SPEG: variants seen among roughly 807,000 people sequenced by gnomAD.
SPEG encodes striated muscle enriched protein kinase, also known as striated muscle preferentially expressed protein kinase.
In SPEG, 114 loss-of-function variants were observed where a neutral mutation model predicts 300.4. That is an observed-to-expected ratio of 0.38 (90% CI 0.33 to 0.44). SPEG has a LOEUF of 0.44. Among genes scored for constraint, SPEG ranks in the 20% least tolerant of loss-of-function variants. SPEG has a pLI of 1.00. For missense variants in SPEG, 4,201 were observed against 4,586.2 expected (o/e 0.92, Z 2.43); for synonymous variants, 1,964 against 2,018.9 (o/e 0.97, Z 0.73).
rs1247111993 is a variant in SPEG at position 219,459,658 on chromosome 2, C to G, written c.2441-2224C>G. Among the ~76,000 whole-genome samples, 1 of 152,218 alleles carries G rather than the reference C, an allele frequency of 6.6e-6. No homozygotes were observed. Among genetic ancestry groups the G allele is most frequent in the African/African-American group, 2.4e-5 (1 of 41,450 alleles). On this transcript the variant is annotated intron_variant, in intron 6 of 40. Coordinates refer to ENST00000312358, the MANE Select transcript of SPEG (RefSeq NM_005876.5). This position sits in a 1 kb window ranked among gnomAD's most constrained non-coding sequence, Gnocchi z 4.9. ...TGCTTCCGTTCCCAGTCCCTGGGCC[C>G]GTGAGCCTCCTCAGTACTGTCCAGC...
rs1692651061 is a variant in SPEG at position 219,479,688 on chromosome 2, T to G, written c.5086-95T>G. The G allele has an allele frequency of 8.9e-7, 1 of 1,128,704 alleles. No individual in the cohort carries two copies. The highest frequency in any genetic ancestry group is 2.4e-5 in the East Asian group (1 of 42,468). The allele number at this position is 1,128,704 out of a possible 1,614,324, so 69.9% of individuals were successfully genotyped here. A position where few individuals can be genotyped will look rare whatever the true frequency, so the allele number is the denominator to read the frequency against. On this transcript the variant is annotated intron_variant, in intron 23 of 40. Coordinates refer to ENST00000312358, the MANE Select transcript of SPEG (RefSeq NM_005876.5). The surrounding 1 kb of genome is among the most constrained non-coding windows in gnomAD (Gnocchi z 5.5). ...CCCCTTCCACGAGCCATCTGAAGGC[T>G]ACTCCACAGGCACAGCCGGACCGCT...
rs1689565135 is a variant in SPEG at position 219,449,354 on chromosome 2, C to T, written c.2113+83C>T. On this transcript the variant is annotated intron_variant, in intron 4 of 40. Transcript: ENST00000312358. Reference sequence around the variant, plus strand: ...GAGAGCAAGACTGCTCAGCAGGAGCCGGGGGGTCGGGGGTTTCGCCTGGGG... The same window carrying T: ...GAGAGCAAGACTGCTCAGCAGGAGCTGGGGGGTCGGGGGTTTCGCCTGGGG... 7.1e-6 allele frequency: 8 copies of T among 1,131,554 alleles called. 1 individual carries two copies. The highest frequency in any genetic ancestry group is 1.6e-5 in the African/African-American group (1 of 61,712). The allele number at this position is 1,131,554 out of a possible 1,614,324, so 70.1% of individuals were successfully genotyped here. A position where few individuals can be genotyped will look rare whatever the true frequency, so the allele number is the denominator to read the frequency against.
chr2:219,476,190 G>A (rs1355324167), intron 18 of SPEG, among the ~76,000 whole-genome samples: 1 of 151,896 alleles, frequency 6.6e-6, no homozygotes, highest in African/African-American at 2.4e-5. Context: ...CCACATGTGG[G>A]AGATACTGAG....
chr2:219,444,789 A>G lies in SPEG; in HGVS notation c.479-36A>G. Reference sequence around the variant, plus strand: ...AGAGCAGGCAGGCGGGTTTTCCATAAGGGGTGCCTCAGTCTCACGGTGCTC... The same window carrying G: ...AGAGCAGGCAGGCGGGTTTTCCATAGGGGGTGCCTCAGTCTCACGGTGCTC... On this transcript the variant is annotated intron_variant, in intron 2 of 40. Coordinates refer to ENST00000312358, the MANE Select transcript of SPEG (RefSeq NM_005876.5). The surrounding 1 kb of genome is among the most constrained non-coding windows in gnomAD (Gnocchi z 7.8). 6.2e-7 allele frequency: 1 copy of G among 1,611,654 alleles called. No homozygotes were observed. The highest frequency in any genetic ancestry group is 8.5e-7 in the Non-Finnish European group (1 of 1,178,380).
intron 31 of SPEG, among the ~76,000 whole-genome samples, chr2:219,487,573 A>T (rs1162952776): frequency 6.6e-6 from 1 of 152,300 alleles, no homozygotes; most frequent in East Asian, 1.9e-4. Context: ...AAAAGCTCTC[A>T]CCACTTAATT....
At position 219,484,613 on chromosome 2, in the gene SPEG, C is replaced by T; in HGVS notation, c.7150C>T (p.Leu2384=). 6.4e-7 allele frequency: 1 copy of T among 1,555,080 alleles called. No homozygotes were observed. The highest frequency in any genetic ancestry group is 1.2e-5 in the South Asian group (1 of 85,986). ...RPSPAGTPLE[L]VRRPERSRSV... is the part of the protein sequence containing the mutation. ...CAGCCCGGCGGGGACCCCGCTGGAGCTGGTGCGACGGCCTGAGCGCTCACG... is the reference window on the plus strand; with the variant it reads ...CAGCCCGGCGGGGACCCCGCTGGAGTTGGTGCGACGGCCTGAGCGCTCACG... The change falls in exon 30 of 41, where the codon CTG becomes TTG. Residue 2384 remains leucine, a synonymous_variant. Coordinates refer to ENST00000312358, the MANE Select transcript of SPEG (RefSeq NM_005876.5).
In SPEG at chr2:219,443,612, C is replaced by T. The variant is rs1485301232; in HGVS notation, c.389-1041C>T. Reference sequence around the variant, plus strand: ...GAGGGACCTTGAGGAAGGTGCCTGTCACATCATGATGCAGACAGATAAGGG... The same window carrying T: ...GAGGGACCTTGAGGAAGGTGCCTGTTACATCATGATGCAGACAGATAAGGG... On this transcript the variant is annotated intron_variant, in intron 1 of 40. Coordinates refer to ENST00000312358, the MANE Select transcript of SPEG (RefSeq NM_005876.5). This position sits in a 1 kb window ranked among gnomAD's most constrained non-coding sequence, Gnocchi z 4.6. 2 of 288,674 alleles carry T rather than the reference C, an allele frequency of 6.9e-6. No individual in the cohort carries two copies. The highest frequency in any genetic ancestry group is 9.2e-5 in the Admixed American group (2 of 21,648). 17.9% of individuals were successfully genotyped at this position (288,674 alleles called of 1,614,324 possible).
chr2:219,491,805 G>A lies in SPEG; in HGVS notation c.9397G>A (p.Val3133Met), dbSNP rs1693998616. The change falls in exon 39 of 41, where the codon GTG becomes ATG. Residue 3133 changes from valine (V) to methionine (M), a missense_variant. This residue lies in a region of SPEG where 318 missense variants were observed against 429.5 expected (regional missense o/e 0.74). Coordinates refer to ENST00000312358, the MANE Select transcript of SPEG (RefSeq NM_005876.5). ...GTLEFMAPEM[V>M]KGEPIGSATD... is the part of the protein sequence containing the mutation. ...CTGTCTCCTGTCAGCTCCGGAGATG[G>A]TGAAGGGAGAACCCATCGGCTCTGC... 1 of 1,613,070 alleles carries A rather than the reference G, an allele frequency of 6.2e-7. No homozygotes were observed. Among genetic ancestry groups the A allele is most frequent in the Admixed American group, 1.7e-5 (1 of 59,954 alleles).
In SPEG at chr2:219,445,174, C is replaced by T; in HGVS notation, c.815+13C>T. ...TCTCTATCCACGTGTAAGTAACGGCCTTACCTGGGCCTGAACTGCCCCATC... is the reference window on the plus strand; with the variant it reads ...TCTCTATCCACGTGTAAGTAACGGCTTTACCTGGGCCTGAACTGCCCCATC... On this transcript the variant is annotated intron_variant, in intron 3 of 40. Transcript: ENST00000312358. The surrounding 1 kb of genome is among the most constrained non-coding windows in gnomAD (Gnocchi z 6.1). The T allele has an allele frequency of 1.3e-6, 2 of 1,557,046 alleles. No individual in the cohort carries two copies. The highest frequency in any genetic ancestry group is 1.7e-6 in the Non-Finnish European group (2 of 1,150,786).
Position 219,484,781 on chromosome 2 carries a change from G to A in SPEG, c.7318G>A (p.Glu2440Lys), listed in dbSNP as rs1054836352. The A allele has an allele frequency of 2.0e-6, 3 of 1,468,378 alleles. No homozygotes were observed. The highest frequency in any genetic ancestry group is 8.9e-7 in the Non-Finnish European group (1 of 1,121,012). 91.0% of individuals were successfully genotyped at this position (1,468,378 alleles called of 1,614,324 possible). A position where few individuals can be genotyped will look rare whatever the true frequency, so the allele number is the denominator to read the frequency against. ...CCGCGGCGGGGACGGAGAGAGCTCG[G>A]AGGGCGGGAGCTCGGCGCGGGGCTC... ...EARGGDGESS[E>K]GGSSARGSPV... Residue 2440 changes from glutamate (E) to lysine (K), a missense_variant, in exon 30 of 41, where the codon GAG becomes AAG. This residue lies in a region of SPEG where 1,578 missense variants were observed against 1,506.0 expected (regional missense o/e 1.05). Coordinates refer to ENST00000312358, the MANE Select transcript of SPEG (RefSeq NM_005876.5).
chr2:219,462,236 C>G, intron 7 of SPEG, 62 bp from the exon 8 acceptor site: 2 of 1,411,070 alleles, frequency 1.4e-6, no homozygotes, highest in South Asian at 1.3e-5. Flanking sequence ...TCAGATTCCA[C>G]AGCCCCCAGG....
chr2:219,467,014 T>C (rs369974677), intron 9 of SPEG, among the ~76,000 whole-genome samples, 160 bp from the exon 10 acceptor site: 3 of 152,300 alleles, frequency 2.0e-5, no homozygotes, highest in African/African-American at 7.2e-5. Flanking sequence ...TGGGCATGCC[T>C]TGCTGTCCTG....
chr2:219,468,543 C>A (rs1225189244), intron 10 of SPEG, 35 bp from the exon 11 acceptor site: 1 of 1,601,138 alleles, frequency 6.2e-7, no homozygotes. Flanking sequence ...GCCTCCTTAG[C>A]CTTCCCTATC....
At chr2:219,482,369 G>C (rs1435445548) in intron 28 of SPEG, 3 of 191,930 alleles carry the variant, frequency 1.6e-5, no homozygotes, top group Non-Finnish European at 3.3e-5. Context: ...CATCCGTCTT[G>C]GTCTGGACCA....
rs1366781462 is a variant in SPEG at position 219,485,072 on chromosome 2, G to A, written c.7609G>A (p.Ala2537Thr). The change falls in exon 30 of 41, where the codon GCC becomes ACC. Residue 2537 changes from alanine (A) to threonine (T), a missense_variant and splice_region_variant. By Grantham distance (58) the Ala-to-Thr change is moderately conservative. This residue lies in a region of SPEG where 1,578 missense variants were observed against 1,506.0 expected (regional missense o/e 1.05). Coordinates refer to ENST00000312358, the MANE Select transcript of SPEG (RefSeq NM_005876.5). The part of the protein sequence containing the change: ...SEASATSGSS[A>T]PGESRSRLRW... Reference sequence around the variant, plus strand: ...GGCCAGCGCCACGTCGGGCTCCTCAGGTGAGGAGGGGCAGGGGTAGGGCAG... The same window carrying A: ...GGCCAGCGCCACGTCGGGCTCCTCAAGTGAGGAGGGGCAGGGGTAGGGCAG... 2 of 1,532,000 alleles carry A rather than the reference G, an allele frequency of 1.3e-6. No homozygotes were observed. Among genetic ancestry groups the A allele is most frequent in the Admixed American group, 2.0e-5 (1 of 50,834 alleles). 94.9% of individuals were successfully genotyped at this position (1,532,000 alleles called of 1,614,324 possible). A position where few individuals can be genotyped will look rare whatever the true frequency, so the allele number is the denominator to read the frequency against.
At chr2:219,460,308 C>A (rs1335009947) in intron 6 of SPEG, 1 of 985,276 alleles carries the variant, frequency 1.0e-6, no homozygotes, top group Non-Finnish European at 1.2e-6. Flanking sequence ...TTTTCGGGGC[C>A]AAAGAAAACA....
chr2:219,477,538 C>A lies in SPEG; in HGVS notation c.4729+93C>A. On this transcript the variant is annotated intron_variant, in intron 20 of 40. Transcript: ENST00000312358. This position sits in a 1 kb window ranked among gnomAD's most constrained non-coding sequence, Gnocchi z 6.4. ...TGCCCAGGAAGCAGCCAGCCCTGGA[C>A]TCGAGCCACCACACCCCCAGCCCAG... The A allele has an allele frequency of 7.0e-7, 1 of 1,425,150 alleles. No homozygotes were observed. The highest frequency in any genetic ancestry group is 9.4e-7 in the Non-Finnish European group (1 of 1,061,582). The allele number at this position is 1,425,150 out of a possible 1,614,324, so 88.3% of individuals were successfully genotyped here.
At chr2:219,474,116 A>G (rs1303157912) in intron 18 of SPEG, 3 of 526,570 alleles carry the variant, frequency 5.7e-6, no homozygotes, top group African/African-American at 5.7e-5. Flanking sequence ...GGTGGCTCAC[A>G]CCTGTAATCT....
At chr2:219,469,441 C>T in intron 13 of SPEG, 62 bp downstream of exon 13, 1 of 1,313,836 alleles carries the variant, frequency 7.6e-7, no homozygotes, top group East Asian at 2.4e-5. Context: ...TTGCAATGCC[C>T]TGCCCCTCTC....
Sources: allele counts gnomAD v4.1 joint callset (sites outside exome capture counted in the v4.1 genomes callset), GRCh38; gene constraint gnomAD v4.1.1; regional missense constraint gnomAD v4.1.1; non-coding constraint Gnocchi (gnomAD v3.1); transcripts MANE v1.5; gene names NCBI Gene and HGNC (gene_info 2026-07-23, HGNC 2026-07-21).